Variants in PCDHGB5 observed in about 807,000 individuals in gnomAD.
The protein encoded by PCDHGB5 is protocadherin gamma-B5.
PCDHGB5 carries 48 observed loss-of-function variants against 62.9 expected under a neutral mutation model. The observed-to-expected ratio is 0.76, with a 90% CI of 0.61 to 0.97. The LOEUF (loss-of-function observed/expected upper bound fraction) is 0.97. Among genes scored for constraint, PCDHGB5 ranks in the 50% least tolerant of loss-of-function variants. The probability of loss-of-function intolerance (pLI) is 0.00; values close to 1 mark genes in which losing one functional copy is unlikely to be tolerated. For synonymous variants in PCDHGB5, 474 were observed against 511.2 expected (o/e 0.93, Z 0.98); for missense variants, 1,118 against 1,198.6 (o/e 0.93, Z 0.99).
At chr5:141,500,699 A>G (rs780869966) in intron 2 of PCDHGB5, among the ~76,000 whole-genome samples, 1 of 152,156 alleles carries the variant, frequency 6.6e-6, no homozygotes, top group Non-Finnish European at 1.5e-5. Context: ...TCTTCTTTGC[A>G]GTGTATCATG....
chr5:141,409,862 G>A (rs1359567076), intron 1 of PCDHGB5: 19 of 1,612,352 alleles, frequency 1.2e-5, no homozygotes, highest in Non-Finnish European at 1.5e-5. Flanking sequence ...GTTGGTGGGA[G>A]ACCGCAATGA....
At chr5:141,460,987 A>C (rs201722325) in intron 1 of PCDHGB5, among the ~76,000 whole-genome samples, 1 of 92,990 alleles carries the variant, frequency 1.1e-5, no homozygotes, top group South Asian at 3.4e-4. Context: ...GTGTGTGTAT[A>C]TATATATATG....
At position 141,485,677 on chromosome 5, in the gene PCDHGB5, C is replaced by T. The variant is rs757797282; in HGVS notation, c.2398-9130C>T. ...CAGATGTGGGGAGCAATTCGATTAG[C>T]AGCTATAGGCTGAGCTCCAATGAAC... On this transcript the variant is annotated intron_variant, in intron 1 of 3. Transcript: ENST00000617380. This position sits in a 1 kb window ranked among gnomAD's most constrained non-coding sequence, Gnocchi z 5.7. 2.4e-5 allele frequency: 38 copies of T among 1,612,714 alleles called. No individual in the cohort carries two copies. In the East Asian group the frequency reaches 7.8e-4, roughly 33 times the overall value.
chr5:141,454,097 C>T (rs1021353610), intron 1 of PCDHGB5, among the ~76,000 whole-genome samples: 10 of 152,292 alleles, frequency 6.6e-5, no homozygotes, highest in Middle Eastern at 3.4e-3. Flanking sequence ...TTGAATTGAA[C>T]ATAAATGGAG....
chr5:141,483,168 C>A (rs750259590), intron 1 of PCDHGB5, among the ~76,000 whole-genome samples: 3 of 152,104 alleles, frequency 2.0e-5, no homozygotes, highest in Non-Finnish European at 4.4e-5. Context: ...CCTGAGTTAC[C>A]TTTGGGCCAA....
At chr5:141,411,556 C>A (rs2095498108) in intron 1 of PCDHGB5, 1 of 152,200 alleles carries the variant, frequency 6.6e-6, no homozygotes, top group Non-Finnish European at 1.5e-5. Context: ...TGCACTCCAG[C>A]CTGGGCGACA....
intron 1 of PCDHGB5, chr5:141,413,515 G>C: frequency 6.2e-7 from 1 of 1,613,984 alleles, no homozygotes; most frequent in Non-Finnish European, 8.5e-7. Context: ...TAATATCCTT[G>C]TGGAAGACAG....
At chr5:141,419,094 G>C in intron 1 of PCDHGB5, 2 of 1,613,894 alleles carry the variant, frequency 1.2e-6, no homozygotes, top group Non-Finnish European at 1.7e-6. Context: ...GCCCTGGATC[G>C]GGAGCAGACC....
At chr5:141,446,447 A>G (rs2098502204) in intron 1 of PCDHGB5, among the ~76,000 whole-genome samples, 1 of 151,946 alleles carries the variant, frequency 6.6e-6, no homozygotes, top group Non-Finnish European at 1.5e-5. Context: ...AACAGTGCAG[A>G]TATTCAGTGT....
At chr5:141,412,100 C>G (rs1041242156) in intron 1 of PCDHGB5, 2 of 152,180 alleles carry the variant, frequency 1.3e-5, no homozygotes, top group Non-Finnish European at 2.9e-5. Context: ...TGGGCACACA[C>G]AGTTGAAGAT....
At chr5:141,410,818 T>G in intron 1 of PCDHGB5, 2 of 556,016 alleles carry the variant, frequency 3.6e-6, no homozygotes, top group Non-Finnish European at 5.8e-6. Context: ...TGTAAAATAA[T>G]GTCACCAGAC....
intron 1 of PCDHGB5, among the ~76,000 whole-genome samples, chr5:141,472,648 C>G (rs762736307): frequency 1.3e-5 from 2 of 151,864 alleles, no homozygotes; most frequent in African/African-American, 4.8e-5. Flanking sequence ...TGTGTTGAAT[C>G]AGTATATAAA....
chr5:141,478,378 G>C, intron 1 of PCDHGB5: 1 of 1,613,558 alleles, frequency 6.2e-7, no homozygotes, highest in Non-Finnish European at 8.5e-7. Flanking sequence ...TGATGTCGCC[G>C]CACCTTTACC....
intron 1 of PCDHGB5, among the ~76,000 whole-genome samples, chr5:141,488,497 C>CA (rs1415483796): frequency 4.6e-5 from 7 of 152,204 alleles, no homozygotes; most frequent in African/African-American, 1.7e-4. Flanking sequence ...CTGTAACACT[C>CA]ATTCCACATT....
chr5:141,478,711 T>C, intron 1 of PCDHGB5: 3 of 1,547,346 alleles, frequency 1.9e-6, no homozygotes, highest in Non-Finnish European at 1.7e-6. Flanking sequence ...CTTTGTGAGA[T>C]GGTGGCCTGC....
Position 141,399,952 on chromosome 5 carries a change from G to A in PCDHGB5, c.1825G>A (p.Glu609Lys). The A allele has an allele frequency of 6.2e-7, 1 of 1,612,186 alleles. No homozygotes were observed. Among genetic ancestry groups the A allele is most frequent in the Non-Finnish European group, 8.5e-7 (1 of 1,179,706 alleles). The change falls in exon 1 of 4, where the codon GAG becomes AAG. Residue 609 changes from glutamate to lysine, a missense_variant. Coordinates refer to ENST00000617380, the MANE Select transcript of PCDHGB5 (RefSeq NM_018925.3). ...WLSYHVLQAS[E>K]PGLFSLGLRT... The stretch of plus-strand genomic sequence containing the variant: ...GTCCTACCACGTGCTGCAGGCTAGC[G>A]AGCCCGGGCTCTTCAGCCTGGGGCT...
intron 1 of PCDHGB5, chr5:141,421,719 C>T (rs2096595246): frequency 6.2e-7 from 1 of 1,613,942 alleles, no homozygotes; most frequent in Non-Finnish European, 8.5e-7. Flanking sequence ...CAGATGTGGG[C>T]GTGAACTCCC....
At chr5:141,433,124 G>T in intron 1 of PCDHGB5, 5 of 1,614,136 alleles carry the variant, frequency 3.1e-6, no homozygotes, top group Non-Finnish European at 4.2e-6. Context: ...TGAAAAAAGC[G>T]AGCCCCTTTT....
At chr5:141,400,856 A>G (rs1026499885) in intron 1 of PCDHGB5, among the ~76,000 whole-genome samples, 6 of 152,192 alleles carry the variant, frequency 3.9e-5, no homozygotes, top group Non-Finnish European at 8.8e-5. Context: ...ATTTTATTGT[A>G]TGTAGATAAA....
Sources: gnomAD v4.1 joint callset for allele counts (sites outside exome capture counted in the v4.1 genomes callset) on GRCh38, gnomAD v4.1.1 for gene constraint, Gnocchi (gnomAD v3.1) non-coding constraint, MANE v1.5 for transcripts, NCBI Gene and HGNC (gene_info 2026-07-23, HGNC 2026-07-21) for gene names.